The following CMTM8 variants were observed in gnomAD, a reference collection of about 807,000 sequenced individuals.
The protein encoded by CMTM8 is CKLF-like MARVEL transmembrane domain-containing protein 8.
Under a neutral mutation model 18.6 loss-of-function variants are expected in CMTM8, and 12 were observed. The ratio of observed to expected loss-of-function variants is 0.65; its 90% CI spans 0.41 to 1.05. CMTM8 has a LOEUF of 1.05. Ranked by LOEUF, CMTM8 falls within the 50% of genes least tolerant of loss-of-function variation. The pLI is 0.00. For synonymous variants in CMTM8, 87 were observed against 90.6 expected (o/e 0.96, Z 0.23); for missense variants, 217 against 227.2 (o/e 0.95, Z 0.29).
chr3:32,320,962 C>T (rs901721559), intron 1 of CMTM8, among the ~76,000 whole-genome samples: 1 of 152,102 alleles, frequency 6.6e-6, no homozygotes, highest in Non-Finnish European at 1.5e-5. Context: ...CTACCCACTC[C>T]CCTCAAACTA....
intron 1 of CMTM8, among the ~76,000 whole-genome samples, chr3:32,271,183 A>G (rs1472207120): frequency 2.0e-5 from 3 of 152,020 alleles, no homozygotes; most frequent in Non-Finnish European, 4.4e-5. Context: ...CTGGAGTGCA[A>G]TGGCGTGATC....
intron 1 of CMTM8, among the ~76,000 whole-genome samples, chr3:32,241,030 C>A (rs990822782): frequency 6.6e-6 from 1 of 152,152 alleles, no homozygotes; most frequent in African/African-American, 2.4e-5. Flanking sequence ...TCAAGCAATC[C>A]TCCTGCCTTG....
intron 1 of CMTM8, among the ~76,000 whole-genome samples, chr3:32,347,860 G>A (rs188868377): frequency 3.3e-5 from 5 of 152,234 alleles, no homozygotes; most frequent in African/African-American, 1.2e-4. Flanking sequence ...CATCAGGCAT[G>A]GTGATGAGAG....
In CMTM8 at chr3:32,346,271, T is replaced by C. The variant is rs76789595; in HGVS notation, c.148-11102T>C. ...AAGTTCTTACTCCCATAACTCCCCA[T>C]GTTTCTCCTCAGAGACAGCTACTCC... On this transcript the variant is annotated intron_variant, in intron 1 of 3. Transcript: ENST00000307526. Among the ~76,000 whole-genome samples the C allele has an allele frequency of 2.0e-5, 3 of 152,276 alleles. No homozygotes were observed. In the South Asian group the frequency reaches 6.2e-4, roughly 32 times the overall value.
chr3:32,312,548 G>A (rs778900023), intron 1 of CMTM8, among the ~76,000 whole-genome samples: 1 of 152,146 alleles, frequency 6.6e-6, no homozygotes, highest in Non-Finnish European at 1.5e-5. Context: ...GGAGTTGGGG[G>A]TCACCACCCT....
chr3:32,363,212 T>C (rs993575451), intron 2 of CMTM8, among the ~76,000 whole-genome samples: 7 of 152,180 alleles, frequency 4.6e-5, no homozygotes, highest in African/African-American at 1.7e-4. Context: ...CCTGTGATAG[T>C]CCAGAAGTAA....
intron 2 of CMTM8, among the ~76,000 whole-genome samples, chr3:32,359,914 G>A (rs572756573): frequency 3.9e-5 from 6 of 152,218 alleles, no homozygotes; most frequent in Non-Finnish European, 8.8e-5. Flanking sequence ...ACACACAGCA[G>A]GGGTCCACAT....
At chr3:32,294,004 T>G (rs1702829038) in intron 1 of CMTM8, among the ~76,000 whole-genome samples, 1 of 152,234 alleles carries the variant, frequency 6.6e-6, no homozygotes, top group Admixed American at 6.5e-5. Context: ...CATCTCATTT[T>G]GGTGGCCACC....
chr3:32,283,920 G>A (rs1405594267), intron 1 of CMTM8, among the ~76,000 whole-genome samples: 1 of 152,198 alleles, frequency 6.6e-6, no homozygotes, highest in African/African-American at 2.4e-5. Context: ...AAAAGGATTT[G>A]AAATAGCTTT....
At chr3:32,357,218 T>C (rs9810795) in intron 1 of CMTM8, among the ~76,000 whole-genome samples, 155 bp from the exon 2 acceptor site, 35,153 of 152,096 alleles carry the variant, frequency 0.23, 4,167 homozygotes, top group East Asian at 0.35. Context: ...CACTCTAGCC[T>C]GGGCGACGGG....
intron 1 of CMTM8, among the ~76,000 whole-genome samples, chr3:32,292,719 A>G (rs1702801665): frequency 6.6e-6 from 1 of 151,976 alleles, no homozygotes; most frequent in South Asian, 2.1e-4. Context: ...GCATTGTGGG[A>G]TGCTTAGCAG....
intron 1 of CMTM8, among the ~76,000 whole-genome samples, chr3:32,337,694 A>G (rs554931238): frequency 1.2e-3 from 188 of 152,302 alleles, no homozygotes; most frequent in African/African-American, 4.3e-3. Context: ...CTTCCCAGAA[A>G]TGCTGATTCA....
intron 1 of CMTM8, among the ~76,000 whole-genome samples, chr3:32,239,393 G>A (rs112852223): frequency 0.023 from 3,051 of 133,176 alleles, 39 homozygotes; most frequent in Middle Eastern, 0.066. Flanking sequence ...GCAGATCCTG[G>A]GAGCAGGAAG....
chr3:32,252,177 G>T (rs1302835039), intron 1 of CMTM8, among the ~76,000 whole-genome samples: 3 of 152,326 alleles, frequency 2.0e-5, no homozygotes, highest in Admixed American at 2.0e-4. Flanking sequence ...CTTTACCCAA[G>T]TGGATATCCA....
chr3:32,274,151 A>C (rs1702481248), intron 1 of CMTM8, among the ~76,000 whole-genome samples: 1 of 152,082 alleles, frequency 6.6e-6, no homozygotes, highest in Non-Finnish European at 1.5e-5. Context: ...CTCTACAAAA[A>C]TTACAGAAAT....
chr3:32,281,894 C>T (rs1012498924), intron 1 of CMTM8, among the ~76,000 whole-genome samples: 8 of 151,536 alleles, frequency 5.3e-5, no homozygotes, highest in Admixed American at 1.3e-4. Context: ...TTTCTTATCT[C>T]ACTGGATGTG....
intron 1 of CMTM8, among the ~76,000 whole-genome samples, chr3:32,249,437 GAA>G (rs66847705): frequency 1.8e-4 from 18 of 102,716 alleles, no homozygotes; most frequent in South Asian, 9.9e-4. Context: ...CTCAAAAAAT[GAA>G]AAAAAAAAAA....
intron 1 of CMTM8, among the ~76,000 whole-genome samples, chr3:32,239,753 A>G (rs928511433): frequency 9.2e-5 from 14 of 152,214 alleles, no homozygotes; most frequent in African/African-American, 3.1e-4. Flanking sequence ...AACTCACGTG[A>G]TCTTCCCAGA....
chr3:32,252,069 G>A (rs6762487), intron 1 of CMTM8, among the ~76,000 whole-genome samples: 14,165 of 151,990 alleles, frequency 0.093, 817 homozygotes, highest in African/African-American at 0.17. Flanking sequence ...CTCCAGCCTG[G>A]GCAACAGAGC....
Sources: allele counts gnomAD v4.1 joint callset (sites outside exome capture counted in the v4.1 genomes callset), GRCh38; gene constraint gnomAD v4.1.1; transcripts MANE v1.5; gene names NCBI Gene and HGNC (gene_info 2026-07-23, HGNC 2026-07-21).